Variants in EXD3 observed in about 807,000 individuals in gnomAD.
EXD3 encodes exonuclease mut-7 homolog.
In EXD3, 92 loss-of-function variants were observed where a neutral mutation model predicts 98.0. That is an observed-to-expected ratio of 0.94 (90% CI 0.79 to 1.12). EXD3 has a LOEUF of 1.12. Ranked by LOEUF, EXD3 falls within the 50% of genes most tolerant of loss-of-function variation. The pLI is 0.00. For synonymous variants in EXD3, 569 were observed against 526.0 expected, an observed-to-expected ratio of 1.08 and a Z score of -1.12; for missense variants, 1,222 against 1,191.6, an observed-to-expected ratio of 1.03 and a Z score of -0.38.
chr9:137,423,143 C>G lies in EXD3; in HGVS notation c.-77G>C, dbSNP rs1838631191. ...GGGGCCGGGACCGCCCCACACCGTC[C>G]ACGCCCGGCGCGGAACCTTGGCCCG... On this transcript the variant is annotated 5_prime_UTR_variant, in exon 1 of 22. Coordinates refer to ENST00000340951, the MANE Select transcript of EXD3 (RefSeq NM_017820.5). The G allele has an allele frequency of 6.6e-6, 1 of 151,586 alleles. No individual in the cohort carries two copies. The allele number at this position is 151,586 out of a possible 1,614,324, so 9.4% of individuals were successfully genotyped here.
rs887501352 is a variant in EXD3 at position 137,390,972 on chromosome 9, C to T, written c.55+4331G>A. 2.2e-4 allele frequency among the ~76,000 whole-genome samples: 34 copies of T among 152,262 alleles called. 1 individual carries two copies. The highest frequency in any genetic ancestry group is 8.2e-4 in the African/African-American group (34 of 41,474). Reference sequence around the variant, plus strand: ...CTGTGACCTCGTCGTGGGACAGGGACAAGCCCGTCCCCAGGGTCCTGGAGG... The same window carrying T: ...CTGTGACCTCGTCGTGGGACAGGGATAAGCCCGTCCCCAGGGTCCTGGAGG... On this transcript the variant is annotated intron_variant, in intron 2 of 21. Transcript: ENST00000340951.
intron 1 of EXD3, among the ~76,000 whole-genome samples, chr9:137,406,806 C>T (rs998212074): frequency 1.3e-5 from 2 of 152,076 alleles, no homozygotes; most frequent in East Asian, 1.9e-4. Flanking sequence ...GTCTGTGTCC[C>T]GACCCCCACC....
rs1342280466 is a variant in EXD3, at chr9:137,405,856, C to A, written c.-47-10452G>T. On this transcript the variant is annotated intron_variant, in intron 1 of 21. Coordinates refer to ENST00000340951, the MANE Select transcript of EXD3 (RefSeq NM_017820.5). The surrounding 1 kb of genome is among the most constrained non-coding windows in gnomAD (Gnocchi z 4.1). Reference sequence around the variant, plus strand: ...GCTGCCCTGGAACCCTTGGTGGGACCCGCTGCCCACAGACACCTTGCCCGT... The same window carrying A: ...GCTGCCCTGGAACCCTTGGTGGGACACGCTGCCCACAGACACCTTGCCCGT... 6.6e-6 allele frequency among the ~76,000 whole-genome samples: 1 copy of A among 152,222 alleles called. No individual in the cohort carries two copies. The highest frequency in any genetic ancestry group is 1.5e-5 in the Non-Finnish European group (1 of 68,038).
intron 2 of EXD3, among the ~76,000 whole-genome samples, chr9:137,386,675 C>T (rs1836607102): frequency 6.6e-6 from 1 of 152,142 alleles, no homozygotes; most frequent in Non-Finnish European, 1.5e-5. Flanking sequence ...TCCTCCCAGC[C>T]TCCAACCTCC....
Position 137,383,328 on chromosome 9 carries a change from C to G in EXD3, c.105G>C (p.Thr35=). The change falls in exon 3 of 22, where the codon ACG becomes ACC. Residue 35 remains threonine, a synonymous_variant. Coordinates refer to ENST00000340951, the MANE Select transcript of EXD3 (RefSeq NM_017820.5). ...LLQALQTLWS[T]RERKQLREEA... ...GTCCACTCACCTGCTTCCGCTCCCG[C>G]GTGGACCACAGGGTCTGCAGGGCCT... 2 of 1,550,110 alleles carry G rather than the reference C, an allele frequency of 1.3e-6. No homozygotes were observed.
At chr9:137,390,354 C>A (rs1205259822) in intron 2 of EXD3, among the ~76,000 whole-genome samples, 3 of 150,844 alleles carry the variant, frequency 2.0e-5, no homozygotes, top group African/African-American at 7.3e-5. Flanking sequence ...ATGGCGTGAA[C>A]CCGGGAGGCG....
Position 137,407,046 on chromosome 9 carries a change from G to C in EXD3, c.-47-11642C>G, listed in dbSNP as rs1299184049. 6.6e-6 allele frequency among the ~76,000 whole-genome samples: 1 copy of C among 152,164 alleles called. No homozygotes were observed. The highest frequency in any genetic ancestry group is 1.5e-5 in the Non-Finnish European group (1 of 68,002). On this transcript the variant is annotated intron_variant, in intron 1 of 21. Coordinates refer to ENST00000340951, the MANE Select transcript of EXD3 (RefSeq NM_017820.5). The surrounding 1 kb of genome is among the most constrained non-coding windows in gnomAD (Gnocchi z 4.4). Reference sequence around the variant, plus strand: ...CGGAGTGGTGGAGGCCAGAACGCTCGCCAGCAAACCCGCCCGTTCACAGAG... The same window carrying C: ...CGGAGTGGTGGAGGCCAGAACGCTCCCCAGCAAACCCGCCCGTTCACAGAG...
intron 8 of EXD3, 146 bp downstream of exon 8, chr9:137,356,122 G>A (rs1834773399): frequency 3.1e-6 from 2 of 644,118 alleles, no homozygotes; most frequent in Non-Finnish European, 5.4e-6. Flanking sequence ...GGCACGAGCT[G>A]GGCAAGAGGC....
intron 20 of EXD3, among the ~76,000 whole-genome samples, 181 bp from the exon 21 acceptor site, chr9:137,307,827 G>A (rs950748670): frequency 1.5e-4 from 23 of 152,166 alleles, no homozygotes; most frequent in Non-Finnish European, 1.5e-5. Context: ...TGTGGTACCG[G>A]CCTGGTCCCC....
intron 1 of EXD3, among the ~76,000 whole-genome samples, chr9:137,420,126 C>G (rs566357137): frequency 8.5e-4 from 129 of 152,058 alleles, no homozygotes; most frequent in East Asian, 7.7e-3. Flanking sequence ...TACCACTGCA[C>G]TCCAGCCTGG....
chr9:137,333,485 G>A (rs1019519627), intron 17 of EXD3, among the ~76,000 whole-genome samples: 8 of 152,078 alleles, frequency 5.3e-5, no homozygotes, highest in Non-Finnish European at 8.8e-5. Flanking sequence ...ATGTGTCCCC[G>A]CCCAAATCTC....
chr9:137,373,132 C>T (rs565526534), intron 4 of EXD3, 60 bp from the exon 5 acceptor site: 89 of 1,498,780 alleles, frequency 5.9e-5, no homozygotes, highest in Middle Eastern at 2.0e-4. Flanking sequence ...GCCATGGGGC[C>T]GATTGAGGCA....
At chr9:137,411,174 C>T (rs745627583) in intron 1 of EXD3, among the ~76,000 whole-genome samples, 3 of 152,024 alleles carry the variant, frequency 2.0e-5, no homozygotes, top group South Asian at 2.1e-4. Context: ...CAGGCCTGGC[C>T]GTGAGATGGA....
At chr9:137,326,281 G>T (rs1197857439) in intron 17 of EXD3, among the ~76,000 whole-genome samples, 1 of 152,156 alleles carries the variant, frequency 6.6e-6, no homozygotes, top group African/African-American at 2.4e-5. Flanking sequence ...GTCGGTATTT[G>T]CAAATCACGT....
intron 17 of EXD3, among the ~76,000 whole-genome samples, chr9:137,346,728 C>T (rs998657050): frequency 5.9e-5 from 9 of 151,622 alleles, no homozygotes; most frequent in African/African-American, 2.2e-4. Flanking sequence ...TCCCACCCTC[C>T]ACTCATCCCC....
intron 3 of EXD3, among the ~76,000 whole-genome samples, chr9:137,377,544 T>A (rs1835973458): frequency 6.8e-6 from 1 of 146,928 alleles, no homozygotes; most frequent in Non-Finnish European, 1.5e-5. Flanking sequence ...GAGGCCAAGG[T>A]GGGAGGATCG....
Position 137,396,089 on chromosome 9 carries a change from T to G in EXD3, c.-47-685A>C, listed in dbSNP as rs557552733. Among the ~76,000 whole-genome samples, 5 of 151,794 alleles carry G rather than the reference T, an allele frequency of 3.3e-5. No homozygotes were observed. In the South Asian group the frequency reaches 1.0e-3, roughly 32 times the overall value. The stretch of plus-strand genomic sequence containing the variant: ...TTCAAGCGATTCTCCTGCCTCAGCC[T>G]CCCGAGTAGCTGGGATGACAGGCAT... On this transcript the variant is annotated intron_variant, in intron 1 of 21. Transcript: ENST00000340951.
intron 2 of EXD3, among the ~76,000 whole-genome samples, chr9:137,386,491 G>A (rs879750319): frequency 6.6e-6 from 1 of 151,774 alleles, no homozygotes; most frequent in East Asian, 1.9e-4. Flanking sequence ...ACCGACCTGG[G>A]CCACTCCAGA....
In EXD3 at chr9:137,407,794, C is replaced by A. The variant is rs1239544405; in HGVS notation, c.-47-12390G>T. On this transcript the variant is annotated intron_variant, in intron 1 of 21. Coordinates refer to ENST00000340951, the MANE Select transcript of EXD3 (RefSeq NM_017820.5). The surrounding 1 kb of genome is among the most constrained non-coding windows in gnomAD (Gnocchi z 4.4). ...CCACGGGTCCACAGGCATTCGAGGT[C>A]TTGGATGCGCCGGCTGGACCCAAGG... Among the ~76,000 whole-genome samples the A allele has an allele frequency of 6.7e-6, 1 of 148,766 alleles. No homozygotes were observed. The highest frequency in any genetic ancestry group is 6.7e-5 in the Admixed American group (1 of 15,032).
Sources: allele counts gnomAD v4.1 joint callset (sites outside exome capture counted in the v4.1 genomes callset), GRCh38; gene constraint gnomAD v4.1.1; non-coding constraint Gnocchi (gnomAD v3.1); transcripts MANE v1.5; gene names NCBI Gene and HGNC (gene_info 2026-07-23, HGNC 2026-07-21).